The following CHPT1 variants were observed in gnomAD, a reference collection of about 807,000 sequenced individuals.
CHPT1 encodes cholinephosphotransferase 1.
Under a neutral mutation model 47.6 loss-of-function variants are expected in CHPT1, and 36 were observed. The ratio of observed to expected loss-of-function variants is 0.76; its 90% CI spans 0.58 to 1.00. CHPT1 has a LOEUF of 1.00. Ranked by LOEUF, CHPT1 falls within the 50% of genes least tolerant of loss-of-function variation. The pLI is 0.00. For missense variants in CHPT1, 458 were observed against 498.1 expected, an observed-to-expected ratio of 0.92 and a Z score of 0.77; for synonymous variants, 194 against 186.3, an observed-to-expected ratio of 1.04 and a Z score of -0.33.
At chr12:101,720,724 ATTC>A (rs912290350) in intron 5 of CHPT1, among the ~76,000 whole-genome samples, 19 of 151,292 alleles carry the variant, frequency 1.3e-4, no homozygotes, top group Non-Finnish European at 2.4e-4. Flanking sequence ...TTTAACTTTA[ATTC>A]TTAAGTGGGT....
intron 1 of CHPT1, among the ~76,000 whole-genome samples, chr12:101,699,992 A>G (rs1183208256): frequency 1.3e-5 from 2 of 152,236 alleles, no homozygotes; most frequent in Non-Finnish European, 2.9e-5. Context: ...TATGCAGATA[A>G]ATGTAAAAGA....
At position 101,714,632 on chromosome 12, in the gene CHPT1, T is replaced by G. The variant is rs531839493; in HGVS notation, c.550T>G (p.Leu184Val). The part of the protein sequence containing the change: ...AHWQTYVSGM[L>V]RFGKVDVTEI... Reference sequence around the variant, plus strand: ...TTGGCAGACTTATGTTTCAGGCATGTTGAGATTTGGAAAGTAAGTATGCTT... The same window carrying G: ...TTGGCAGACTTATGTTTCAGGCATGGTGAGATTTGGAAAGTAAGTATGCTT... The change falls in exon 3 of 9, where the codon TTG becomes GTG. Residue 184 changes from leucine to valine, a missense_variant. Physicochemically the swap from Leu to Val is conservative, Grantham distance 32 (BLOSUM62 1). Coordinates refer to ENST00000229266, the MANE Select transcript of CHPT1 (RefSeq NM_020244.3). 1 of 1,602,550 alleles carries G rather than the reference T, an allele frequency of 6.2e-7. No individual in the cohort carries two copies. Among genetic ancestry groups the G allele is most frequent in the South Asian group, 1.1e-5 (1 of 88,380 alleles).
chr12:101,723,085 A>G, intron 5 of CHPT1, 83 bp from the exon 6 acceptor site: 3 of 1,304,562 alleles, frequency 2.3e-6, no homozygotes, highest in Non-Finnish European at 3.3e-6. Flanking sequence ...GGCCTCTTGC[A>G]CAAAATAGAT....
intron 1 of CHPT1, 107 bp downstream of exon 1, chr12:101,698,241 C>A: frequency 7.5e-7 from 1 of 1,336,744 alleles, no homozygotes; most frequent in Non-Finnish European, 9.5e-7. Flanking sequence ...TCTCCCGGGC[C>A]CCGGAGGGGC....
chr12:101,718,289 G>A (rs572944576), intron 4 of CHPT1, among the ~76,000 whole-genome samples: 13 of 152,286 alleles, frequency 8.5e-5, no homozygotes, highest in Non-Finnish European at 1.5e-4. Context: ...TGATAATGAC[G>A]TGTCAATGTA....
At chr12:101,726,711 C>T (rs1951952114) in intron 8 of CHPT1, 2 of 381,006 alleles carry the variant, frequency 5.2e-6, no homozygotes, top group Non-Finnish European at 9.3e-6. Context: ...AGCAGTTTGT[C>T]TCTGAGACTT....
At chr12:101,713,021 G>A (rs1198764815) in intron 1 of CHPT1, among the ~76,000 whole-genome samples, 3 of 148,250 alleles carry the variant, frequency 2.0e-5, no homozygotes, top group African/African-American at 4.9e-5. Flanking sequence ...TGTACTTTAT[G>A]ATGGCTGTAG....
chr12:101,708,691 G>A (rs1594128470), intron 1 of CHPT1, among the ~76,000 whole-genome samples: 1 of 123,890 alleles, frequency 8.1e-6, no homozygotes, highest in Non-Finnish European at 1.9e-5. Context: ...CTGCCTCCTG[G>A]GTTCAAGCAA....
rs757335545 is a variant in CHPT1 at position 101,720,115 on chromosome 12, C to G, written c.649-8C>G. 4.1e-5 allele frequency: 64 copies of G among 1,573,992 alleles called. No homozygotes were observed. Among genetic ancestry groups the G allele is most frequent in the Non-Finnish European group, 5.3e-5 (62 of 1,161,698 alleles). On this transcript the variant is annotated splice_polypyrimidine_tract_variant and splice_region_variant and intron_variant, in intron 4 of 8. Transcript: ENST00000229266. ...TGTCTTAATTGTTTCTTTCTTCTACCCCTAAAGATTCCTATTCTAGAAATA... is the reference window on the plus strand; with the variant it reads ...TGTCTTAATTGTTTCTTTCTTCTACGCCTAAAGATTCCTATTCTAGAAATA...
At chr12:101,723,103 A>T in intron 5 of CHPT1, 65 bp from the exon 6 acceptor site, 1 of 1,435,398 alleles carries the variant, frequency 7.0e-7, no homozygotes, top group Admixed American at 1.7e-5. Context: ...GATGGTCAGA[A>T]AATGTCTACA....
chr12:101,704,432 G>A (rs550710794), intron 1 of CHPT1, among the ~76,000 whole-genome samples: 56 of 141,346 alleles, frequency 4.0e-4, no homozygotes, highest in Non-Finnish European at 7.4e-4. Flanking sequence ...ATGGAGTTTC[G>A]CTCTTGTTGC....
chr12:101,720,390 C>T lies in CHPT1; in HGVS notation c.780+136C>T, dbSNP rs1055181631. 3 of 752,764 alleles carry T rather than the reference C, an allele frequency of 4.0e-6. No individual in the cohort carries two copies. The African/African-American group carries it at 5.5e-5, about 14-fold the overall frequency. The allele number at this position is 752,764 out of a possible 1,614,324, so 46.6% of individuals were successfully genotyped here. The stretch of plus-strand genomic sequence containing the variant: ...TATCTTAAAGAATTCATTTTAGGCA[C>T]ATAGTACAAAAGCATTTTAAAAACA... On this transcript the variant is annotated intron_variant, in intron 5 of 8. Coordinates refer to ENST00000229266, the MANE Select transcript of CHPT1 (RefSeq NM_020244.3).
chr12:101,711,892 G>A (rs1192611401), intron 1 of CHPT1, among the ~76,000 whole-genome samples: 1 of 148,920 alleles, frequency 6.7e-6, no homozygotes, highest in African/African-American at 2.4e-5. Flanking sequence ...AAGATTCTGG[G>A]TGGGATGTGT....
At chr12:101,699,601 T>C (rs950407985) in intron 1 of CHPT1, among the ~76,000 whole-genome samples, 1 of 152,146 alleles carries the variant, frequency 6.6e-6, no homozygotes, top group Admixed American at 6.5e-5. Flanking sequence ...TTGGCCAGGC[T>C]GGTCTCGAAC....
intron 4 of CHPT1, chr12:101,717,412 GCTAA>G (rs1951780727): frequency 7.6e-6 from 3 of 396,486 alleles, no homozygotes; most frequent in East Asian, 7.2e-5. Flanking sequence ...CACCATACTG[GCTAA>G]CTGACTCACA....
At chr12:101,722,444 A>G (rs1483751881) in intron 5 of CHPT1, among the ~76,000 whole-genome samples, 2 of 152,270 alleles carry the variant, frequency 1.3e-5, no homozygotes, top group East Asian at 3.9e-4. Flanking sequence ...CAGTGCCGAG[A>G]GGATACTAAT....
At position 101,721,111 on chromosome 12, in the gene CHPT1, G is replaced by C. The variant is rs1951843566; in HGVS notation, c.780+857G>C. Among the ~76,000 whole-genome samples, 3 of 152,058 alleles carry C rather than the reference G, an allele frequency of 2.0e-5. No individual in the cohort carries two copies. The South Asian group carries it at 6.2e-4, about 31-fold the overall frequency. ...AGCCTGGCCAACATGGTGAAACCCT[G>C]TCGCTACCAAAAATACAAAAAAATT... On this transcript the variant is annotated intron_variant, in intron 5 of 8. Coordinates refer to ENST00000229266, the MANE Select transcript of CHPT1 (RefSeq NM_020244.3).
intron 4 of CHPT1, chr12:101,717,502 T>G (rs1289801873): frequency 2.1e-5 from 6 of 290,612 alleles, no homozygotes; most frequent in Non-Finnish European, 3.4e-5. Flanking sequence ...TCAATACTTA[T>G]GTTCCTAAAC....
Position 101,714,154 on chromosome 12 carries a change from T to C in CHPT1, c.338T>C (p.Ile113Thr), listed in dbSNP as rs1280405020. The change falls in exon 2 of 9, where the codon ATT becomes ACT. Residue 113 changes from isoleucine to threonine, a missense_variant. By Grantham distance (89) the Ile-to-Thr change is moderately conservative. Coordinates refer to ENST00000229266, the MANE Select transcript of CHPT1 (RefSeq NM_020244.3). ...GLFIYQSLDA[I>T]DGKQARRTNS... ...TTTATTTACCAGTCACTGGATGCTA[T>C]TGATGGGAAACAAGCCAGAAGAACA... 1.2e-6 allele frequency: 2 copies of C among 1,612,620 alleles called. No individual in the cohort carries two copies. The highest frequency in any genetic ancestry group is 2.2e-5 in the East Asian group (1 of 44,846).
Sources: gnomAD v4.1 joint callset for allele counts (sites outside exome capture counted in the v4.1 genomes callset) on GRCh38, gnomAD v4.1.1 for gene constraint, MANE v1.5 for transcripts, NCBI Gene and HGNC (gene_info 2026-07-23, HGNC 2026-07-21) for gene names.